TENM1: variants seen among roughly 807,000 people sequenced by gnomAD.
The protein encoded by TENM1 is teneurin-1.
A neutral mutation model predicts 174.8 loss-of-function variants in TENM1; 35 were observed. That is an observed-to-expected ratio of 0.20 (90% CI 0.15 to 0.27). The LOEUF (loss-of-function observed/expected upper bound fraction) is 0.27, where lower values mean the gene tolerates loss of function less well. Ranked by LOEUF, TENM1 falls within the 10% of genes least tolerant of loss-of-function variation. The pLI is 1.00. For missense variants in TENM1, 1,633 were observed against 2,130.1 expected (o/e 0.77, Z 4.59); for synonymous variants, 781 against 798.7 (o/e 0.98, Z 0.37).
chrX:124,855,620 T>TG (rs2147415707), intron 3 of TENM1, among the ~76,000 whole-genome samples: 1 of 111,423 alleles, frequency 9.0e-6, no homozygotes, highest in Non-Finnish European at 1.9e-5. Context: ...TCATTGTGTG[T>TG]GGTTATTGCT....
chrX:124,495,099 T>G (rs373502600), intron 20 of TENM1, among the ~76,000 whole-genome samples: 5 of 106,666 alleles, frequency 4.7e-5, no homozygotes, highest in East Asian at 3.0e-4. Flanking sequence ...CTGACTTCCA[T>G]AATGGTTGAA....
At chrX:124,548,461 A>G (rs981824867) in intron 14 of TENM1, among the ~76,000 whole-genome samples, 3 of 111,827 alleles carry the variant, frequency 2.7e-5, no homozygotes, top group Non-Finnish European at 5.6e-5. Flanking sequence ...ACTAGCAAAA[A>G]TGTAAGAAGT....
chrX:124,559,847 T>G (rs1319923506), intron 14 of TENM1, among the ~76,000 whole-genome samples: 1 of 111,207 alleles, frequency 9.0e-6, no homozygotes, highest in Non-Finnish European at 1.9e-5. Flanking sequence ...AAGAAAACCA[T>G]ATACAGAATA....
At chrX:124,578,552 T>C (rs2049226487) in intron 11 of TENM1, among the ~76,000 whole-genome samples, 1 of 111,819 alleles carries the variant, frequency 8.9e-6, no homozygotes, top group African/African-American at 3.3e-5. Flanking sequence ...AAGGAACAAA[T>C]GAGTCAATAT....
At chrX:124,595,024 T>C (rs188654501) in intron 11 of TENM1, among the ~76,000 whole-genome samples, 81 of 112,141 alleles carry the variant, frequency 7.2e-4, no homozygotes, top group African/African-American at 2.5e-3. Context: ...TGTACTCCTT[T>C]GTGGTTTGGT....
At chrX:124,993,263 A>G in the TENM1 span, among the ~76,000 whole-genome samples, 1 of 111,535 alleles carries the variant, frequency 9.0e-6, no homozygotes, top group African/African-American at 3.2e-5. Flanking sequence ...CAAGCTGAAA[A>G]GAATGGAAAT....
rs184710862 is a variant in TENM1, at chrX:124,585,830, C to T, written c.2078-20270G>A. Among the ~76,000 whole-genome samples, 5 of 111,105 alleles carry T rather than the reference C, an allele frequency of 4.5e-5. No individual in the cohort carries two copies. The East Asian group carries it at 1.1e-3, about 25-fold the overall frequency. On this transcript the variant is annotated intron_variant, in intron 11 of 31. Coordinates refer to ENST00000422452, the Ensembl canonical transcript of TENM1. ...AGAAAAGACAGAATAATCAAATATA[C>T]GCAATAAAAAATGACAAACGGGATA...
At chrX:124,648,258 A>G (rs1251229655) in intron 8 of TENM1, among the ~76,000 whole-genome samples, 1 of 112,562 alleles carries the variant, frequency 8.9e-6, no homozygotes, top group Non-Finnish European at 1.9e-5. Flanking sequence ...TGCCTTGAGA[A>G]GAATAAAAAC....
chrX:124,525,989 C>T (rs2047966173), intron 16 of TENM1, among the ~76,000 whole-genome samples: 1 of 111,890 alleles, frequency 8.9e-6, no homozygotes, highest in Non-Finnish European at 1.9e-5. Context: ...TTTTGATTAT[C>T]TCCATGAGCA....
chrX:124,870,492 A>C (rs2147475442), intron 3 of TENM1, among the ~76,000 whole-genome samples: 1 of 112,008 alleles, frequency 8.9e-6, no homozygotes, highest in South Asian at 3.7e-4. Flanking sequence ...AAACTGCAGT[A>C]GTGTGTAGAA....
chrX:124,769,799 A>G (rs555700254), intron 3 of TENM1, among the ~76,000 whole-genome samples: 78 of 112,066 alleles, frequency 7.0e-4, no homozygotes, highest in South Asian at 5.2e-3. Flanking sequence ...TTTAAGTATT[A>G]TTTCATCTGG....
chrX:124,998,477 TA>T, the TENM1 span, among the ~76,000 whole-genome samples: 109 of 98,671 alleles, frequency 1.1e-3, no homozygotes, highest in South Asian at 2.2e-3. Context: ...CAAGTATTTC[TA>T]AAAAAAAAAA....
At chrX:124,816,542 A>G (rs1225882460) in intron 3 of TENM1, among the ~76,000 whole-genome samples, 1 of 111,821 alleles carries the variant, frequency 8.9e-6, no homozygotes, top group African/African-American at 3.2e-5. Flanking sequence ...ACTCTCTGGC[A>G]TCTTATTTCA....
At chrX:124,766,571 G>C (rs2054543993) in intron 3 of TENM1, among the ~76,000 whole-genome samples, 1 of 111,436 alleles carries the variant, frequency 9.0e-6, no homozygotes, top group Admixed American at 9.6e-5. Flanking sequence ...CCACCAAAAT[G>C]TCCACATTAT....
intron 15 of TENM1, among the ~76,000 whole-genome samples, chrX:124,539,916 T>C (rs1436831730): frequency 9.0e-6 from 1 of 111,494 alleles, no homozygotes; most frequent in African/African-American, 3.3e-5. Flanking sequence ...TGCTGAAAAC[T>C]TCCAGGTCAG....
chrX:124,414,756 T>C (rs2060576056), intron 25 of TENM1, among the ~76,000 whole-genome samples: 1 of 111,894 alleles, frequency 8.9e-6, no homozygotes, highest in Non-Finnish European at 1.9e-5. Flanking sequence ...TTATCCACTG[T>C]TCAGGGTCAT....
At chrX:125,016,534 C>A in the TENM1 span, among the ~76,000 whole-genome samples, 1 of 111,067 alleles carries the variant, frequency 9.0e-6, no homozygotes, top group Non-Finnish European at 1.9e-5. Flanking sequence ...TCAAGGAGAA[C>A]TACAAACCAC....
exon 30 of TENM1, chrX:124,383,844 T>C: frequency 8.3e-7 from 1 of 1,210,842 alleles, no homozygotes; most frequent in Non-Finnish European, 1.1e-6. Context: ...AAACCAATAA[T>C]GACCTGAAAG....
intron 1 of TENM1, among the ~76,000 whole-genome samples, chrX:124,925,172 T>C (rs2058075717): frequency 9.1e-6 from 1 of 109,870 alleles, no homozygotes; most frequent in African/African-American, 3.3e-5. Flanking sequence ...ATAAAAACTT[T>C]TATATTATAG....
Sources: gnomAD v4.1 joint callset for allele counts (sites outside exome capture counted in the v4.1 genomes callset) on GRCh38, gnomAD v4.1.1 for gene constraint, MANE v1.5 for transcripts, NCBI Gene and HGNC (gene_info 2026-07-23, HGNC 2026-07-21) for gene names.